Variants in ARB2A observed in about 807,000 individuals in gnomAD.
The protein encoded by ARB2A is ARB2 cotranscriptional regulator A, also known as cotranscriptional regulator ARB2A.
At chr5:93,889,098 A>T in the ARB2A span, among the ~76,000 whole-genome samples, 1 of 151,726 alleles carries the variant, frequency 6.6e-6, no homozygotes, top group Non-Finnish European at 1.5e-5. Context: ...TTATTTTTCA[A>T]AAAAAGGGAA....
At chr5:93,699,020 T>C in the ARB2A span, among the ~76,000 whole-genome samples, 6 of 152,212 alleles carry the variant, frequency 3.9e-5, no homozygotes. Flanking sequence ...GTTATCAGAA[T>C]AGACTGAATA....
chr5:93,664,649 AT>A, the ARB2A span, among the ~76,000 whole-genome samples: 29 of 148,498 alleles, frequency 2.0e-4, no homozygotes, highest in Admixed American at 5.4e-4. Context: ...ATATATATAT[AT>A]ATAATAATAA....
the ARB2A span, among the ~76,000 whole-genome samples, chr5:93,922,698 GGAAA>G: frequency 6.9e-6 from 1 of 144,988 alleles, no homozygotes; most frequent in Admixed American, 7.0e-5. Context: ...GAGGGAGGAA[GGAAA>G]GAAACAACCA....
chr5:93,682,627 A>T, the ARB2A span, among the ~76,000 whole-genome samples: 5 of 151,942 alleles, frequency 3.3e-5, no homozygotes, highest in Non-Finnish European at 5.9e-5. Context: ...TTCCATACAT[A>T]CTTAAAACCA....
At chr5:93,987,851 A>G in the ARB2A span, among the ~76,000 whole-genome samples, 1 of 152,162 alleles carries the variant, frequency 6.6e-6, no homozygotes, top group Non-Finnish European at 1.5e-5. Context: ...AACTATTGGT[A>G]TCTCCTCCTA....
chr5:93,773,042 A>T, the ARB2A span, among the ~76,000 whole-genome samples: 1 of 152,198 alleles, frequency 6.6e-6, no homozygotes, highest in African/African-American at 2.4e-5. Context: ...AGCATTTAAT[A>T]TATGTTGCTA....
the ARB2A span, among the ~76,000 whole-genome samples, chr5:93,844,659 C>A: frequency 6.6e-6 from 1 of 151,860 alleles, no homozygotes; most frequent in East Asian, 1.9e-4. Flanking sequence ...AGAGAAATAA[C>A]CTAAGAGAGT....
chr5:93,676,312 T>C, the ARB2A span, among the ~76,000 whole-genome samples: 18 of 152,344 alleles, frequency 1.2e-4, no homozygotes, highest in East Asian at 3.1e-3. Context: ...TGGCTTTTCA[T>C]GTATTCATAA....
the ARB2A span, among the ~76,000 whole-genome samples, chr5:94,021,985 C>T: frequency 1.3e-5 from 2 of 152,110 alleles, no homozygotes; most frequent in Non-Finnish European, 2.9e-5. Context: ...GCAGGAGAAT[C>T]GCTTGAACTT....
chr5:93,721,859 T>C, the ARB2A span, among the ~76,000 whole-genome samples: 2 of 152,184 alleles, frequency 1.3e-5, no homozygotes. Flanking sequence ...ATCTTATGAC[T>C]TCTTGGATAG....
chr5:93,866,027 G>A, the ARB2A span: 52 of 984,106 alleles, frequency 5.3e-5, no homozygotes, highest in African/African-American at 3.8e-4. Context: ...GAGAAAAAAC[G>A]TTGCTAAATA....
chr5:93,776,125 A>G, the ARB2A span: 6 of 1,520,234 alleles, frequency 3.9e-6, no homozygotes, highest in Non-Finnish European at 5.4e-6. Flanking sequence ...CCTGAAAAAC[A>G]ACAGCAATCA....
At chr5:94,101,779 T>G in the ARB2A span, among the ~76,000 whole-genome samples, 1 of 151,792 alleles carries the variant, frequency 6.6e-6, no homozygotes, top group Non-Finnish European at 1.5e-5. Flanking sequence ...CAACAGACAC[T>G]GGGGTCTACT....
the ARB2A span, among the ~76,000 whole-genome samples, chr5:93,808,545 A>G: frequency 1.3e-5 from 2 of 151,990 alleles, no homozygotes; most frequent in Non-Finnish European, 2.9e-5. Flanking sequence ...ATTATTCTCT[A>G]TAGTGTTTAA....
the ARB2A span, among the ~76,000 whole-genome samples, chr5:93,705,939 G>T: frequency 2.0e-5 from 3 of 151,936 alleles, no homozygotes; most frequent in African/African-American, 7.3e-5. Context: ...CCATAAACTG[G>T]CCTTTTAACC....
chr5:93,946,255 C>T, the ARB2A span, among the ~76,000 whole-genome samples: 2 of 151,728 alleles, frequency 1.3e-5, no homozygotes, highest in African/African-American at 2.4e-5. Context: ...AAAGTGAAAC[C>T]CAGGATAATA....
the ARB2A span, among the ~76,000 whole-genome samples, chr5:93,810,397 T>C: frequency 6.6e-6 from 1 of 151,956 alleles, no homozygotes. Flanking sequence ...TGCTAAATAA[T>C]GGTTTGGTTT....
chr5:93,849,598 T>C, the ARB2A span, among the ~76,000 whole-genome samples: 1 of 152,106 alleles, frequency 6.6e-6, no homozygotes, highest in Non-Finnish European at 1.5e-5. Context: ...TGAGTATGAA[T>C]AAGACTGAAA....
the ARB2A span, among the ~76,000 whole-genome samples, chr5:94,103,795 CAAAAAAAAA>C: frequency 1.8e-5 from 2 of 113,344 alleles, no homozygotes; most frequent in Non-Finnish European, 3.8e-5. Context: ...TCAACAGATT[CAAAAAAAAA>C]AAAAAAAAAC....
Sources: gnomAD v4.1 joint callset for allele counts (sites outside exome capture counted in the v4.1 genomes callset) on GRCh38, gnomAD v4.1.1 for gene constraint, MANE v1.5 for transcripts, NCBI Gene and HGNC (gene_info 2026-07-23, HGNC 2026-07-21) for gene names.